The following LRFN5 variants were observed in gnomAD, a reference collection of about 807,000 sequenced individuals.
The protein encoded by LRFN5 is leucine-rich repeat and fibronectin type-III domain-containing protein 5.
A neutral mutation model predicts 45.6 loss-of-function variants in LRFN5; 24 were observed. The ratio of observed to expected loss-of-function variants is 0.53; its 90% CI spans 0.38 to 0.74. LRFN5 has a LOEUF of 0.74. Among genes scored for constraint, LRFN5 ranks in the 30% least tolerant of loss-of-function variants. The pLI is 0.00. For synonymous variants in LRFN5, 340 were observed against 313.8 expected (o/e 1.08, Z -0.88); for missense variants, 776 against 861.5 (o/e 0.90, Z 1.24).
chr14:41,654,752 G>A (rs987916391), intron 1 of LRFN5, among the ~76,000 whole-genome samples: 2 of 151,942 alleles, frequency 1.3e-5, no homozygotes, highest in Non-Finnish European at 2.9e-5. Flanking sequence ...GTTTATCAGT[G>A]TCTTTTTTAA....
intron 1 of LRFN5, among the ~76,000 whole-genome samples, chr14:41,624,854 TCTTC>T (rs1347706736): frequency 2.0e-5 from 3 of 152,144 alleles, no homozygotes; most frequent in Non-Finnish European, 4.4e-5. Flanking sequence ...TTTTTCATTA[TCTTC>T]CTTTATTCCT....
At chr14:41,650,879 C>CAGAG (rs1165170049) in intron 1 of LRFN5, among the ~76,000 whole-genome samples, 1 of 89,818 alleles carries the variant, frequency 1.1e-5, no homozygotes. Context: ...AACAAAGAGA[C>CAGAG]AGAGAAAGAG....
intron 2 of LRFN5, among the ~76,000 whole-genome samples, chr14:41,863,786 A>G (rs939956733): frequency 6.6e-6 from 1 of 152,088 alleles, no homozygotes; most frequent in Non-Finnish European, 1.5e-5. Context: ...TGCACCCATC[A>G]AACTGTCATC....
chr14:41,712,069 C>T (rs934259044), intron 1 of LRFN5, among the ~76,000 whole-genome samples: 1 of 151,894 alleles, frequency 6.6e-6, no homozygotes, highest in African/African-American at 2.4e-5. Flanking sequence ...TTGACGAGAA[C>T]GGAAGAAATG....
chr14:41,671,616 C>CCTTTTTTTTTTTT (rs1566613142), intron 1 of LRFN5, among the ~76,000 whole-genome samples: 1 of 37,218 alleles, frequency 2.7e-5, no homozygotes, highest in Non-Finnish European at 4.5e-5. Flanking sequence ...TTTTTTTTTT[C>CCTTTTTTTTTTTT]GTTTTTTTTT....
At chr14:41,760,088 A>C (rs1415595935) in intron 1 of LRFN5, among the ~76,000 whole-genome samples, 2 of 152,162 alleles carry the variant, frequency 1.3e-5, no homozygotes, top group African/African-American at 2.4e-5. Context: ...TACCAATTTT[A>C]TATGTATTTG....
intron 1 of LRFN5, among the ~76,000 whole-genome samples, chr14:41,634,430 G>C (rs1305324608): frequency 6.6e-6 from 1 of 152,130 alleles, no homozygotes; most frequent in Non-Finnish European, 1.5e-5. Flanking sequence ...TGTTCAAAAA[G>C]CCATAAAGGC....
chr14:41,709,634 T>G (rs1026864263), intron 1 of LRFN5, among the ~76,000 whole-genome samples: 6 of 152,114 alleles, frequency 3.9e-5, no homozygotes, highest in Non-Finnish European at 1.5e-5. Flanking sequence ...AGAATGACAC[T>G]GTATGTCACC....
At chr14:41,609,183 T>TAAATCCA (rs1887627260) in intron 1 of LRFN5, among the ~76,000 whole-genome samples, 1 of 152,178 alleles carries the variant, frequency 6.6e-6, no homozygotes, top group Admixed American at 6.5e-5. Context: ...CAGGACGTGC[T>TAAATCCA]TTTATGTAGC....
intron 1 of LRFN5, among the ~76,000 whole-genome samples, chr14:41,634,150 A>G (rs370602289): frequency 2.7e-4 from 41 of 152,248 alleles, no homozygotes; most frequent in African/African-American, 9.1e-4. Context: ...ATACTATGTA[A>G]TAGTTCTCAG....
At chr14:41,789,316 G>A (rs1886836606) in intron 2 of LRFN5, among the ~76,000 whole-genome samples, 1 of 151,862 alleles carries the variant, frequency 6.6e-6, no homozygotes, top group Non-Finnish European at 1.5e-5. Flanking sequence ...AAAAATTATG[G>A]AAATAATTCC....
At chr14:41,718,194 C>T (rs1280129402) in intron 1 of LRFN5, among the ~76,000 whole-genome samples, 1 of 152,168 alleles carries the variant, frequency 6.6e-6, no homozygotes, top group Admixed American at 6.5e-5. Context: ...CTTGACATCT[C>T]TAAGCCTTAG....
At chr14:41,832,169 T>C (rs1888507073) in intron 2 of LRFN5, among the ~76,000 whole-genome samples, 1 of 152,144 alleles carries the variant, frequency 6.6e-6, no homozygotes, top group African/African-American at 2.4e-5. Context: ...ATCAAGCATC[T>C]CAGCTAGTCA....
intron 2 of LRFN5, among the ~76,000 whole-genome samples, chr14:41,795,332 C>G (rs1371059302): frequency 6.6e-6 from 1 of 152,068 alleles, no homozygotes; most frequent in Admixed American, 6.6e-5. Context: ...GTTGGTGGGA[C>G]TGTAAACTAG....
intron 2 of LRFN5, among the ~76,000 whole-genome samples, chr14:41,768,215 C>A (rs1461130648): frequency 6.6e-6 from 1 of 152,088 alleles, no homozygotes; most frequent in Non-Finnish European, 1.5e-5. Flanking sequence ...GAATTTATAT[C>A]TGAATCATGA....
chr14:41,892,291 G>GTA lies in LRFN5; in HGVS notation c.2098+340_2098+341dup, dbSNP rs148804593. ...GTATAAATCAACCTTCTCAGGTACAGTATATATATATACACATATATAACT... is the reference window on the plus strand; with the variant it reads ...GTATAAATCAACCTTCTCAGGTACAGTATATATATATATACACATATATAACT... On this transcript the variant is annotated intron_variant, in intron 4 of 5. Transcript: ENST00000298119. 1,198 of 915,812 alleles carry GTA rather than the reference G, an allele frequency of 1.3e-3. 7 individuals are homozygous for GTA. The East Asian group carries it at 0.027, about 21-fold the overall frequency. 56.7% of individuals were successfully genotyped at this position (915,812 alleles called of 1,614,324 possible).
intron 2 of LRFN5, among the ~76,000 whole-genome samples, chr14:41,846,738 T>C (rs986381952): frequency 6.6e-6 from 1 of 152,168 alleles, no homozygotes; most frequent in Non-Finnish European, 1.5e-5. Context: ...TTCCTTTCTG[T>C]AGGATGTAGA....
chr14:41,665,706 A>G (rs185638344), intron 1 of LRFN5, among the ~76,000 whole-genome samples: 14 of 152,100 alleles, frequency 9.2e-5, no homozygotes, highest in African/African-American at 3.1e-4. Context: ...AAAAGCTACT[A>G]CTAGGATAAA....
intron 1 of LRFN5, among the ~76,000 whole-genome samples, chr14:41,710,476 T>A (rs970920883): frequency 8.5e-5 from 13 of 152,124 alleles, no homozygotes; most frequent in Admixed American, 1.3e-4. Context: ...TGTAGGTGTG[T>A]TTTTTGTTAA....
Sources: gnomAD v4.1 joint callset for allele counts (sites outside exome capture counted in the v4.1 genomes callset) on GRCh38, gnomAD v4.1.1 for gene constraint, MANE v1.5 for transcripts, NCBI Gene and HGNC (gene_info 2026-07-23, HGNC 2026-07-21) for gene names.